KIRREL3: variants seen among roughly 807,000 people sequenced by gnomAD.
The protein encoded by KIRREL3 is kirre like nephrin family adhesion molecule 3.
Under a neutral mutation model 89.7 loss-of-function variants are expected in KIRREL3, and 36 were observed. The observed-to-expected ratio is 0.40, with a 90% CI of 0.31 to 0.53. The LOEUF (loss-of-function observed/expected upper bound fraction) is 0.53. KIRREL3 is among the 20% of genes least tolerant of loss of function. The pLI, the probability that KIRREL3 is intolerant of heterozygous loss-of-function variation, is 0.49. For synonymous variants in KIRREL3, 445 were observed against 441.4 expected (o/e 1.01, Z -0.10); for missense variants, 864 against 1,056.6 (o/e 0.82, Z 2.53).
intron 1 of KIRREL3, among the ~76,000 whole-genome samples, chr11:126,690,342 G>T (rs961142366): frequency 2.0e-5 from 3 of 149,068 alleles, no homozygotes; most frequent in African/African-American, 7.4e-5. Flanking sequence ...ATGTTTGAAA[G>T]AAATTAGTTC....
chr11:126,913,337 C>T (rs1946901423), intron 1 of KIRREL3, among the ~76,000 whole-genome samples: 2 of 152,238 alleles, frequency 1.3e-5, no homozygotes, highest in Admixed American at 1.3e-4. Flanking sequence ...TATTTAACCT[C>T]CTCATCACTA....
intron 1 of KIRREL3, among the ~76,000 whole-genome samples, chr11:126,585,491 C>A (rs1237782537): frequency 6.8e-6 from 1 of 147,808 alleles, no homozygotes; most frequent in Admixed American, 6.7e-5. Context: ...GCCTCAGCCT[C>A]CCAAAGTGTT....
Position 126,924,681 on chromosome 11 carries a change from C to A in KIRREL3, c.55+75774G>T, listed in dbSNP as rs1396818646. On this transcript the variant is annotated intron_variant, in intron 1 of 16. Coordinates refer to ENST00000525144, the MANE Select transcript of KIRREL3 (RefSeq NM_032531.4). The surrounding 1 kb of genome is among the most constrained non-coding windows in gnomAD (Gnocchi z 4.7). ...AAGGAGCAGCTTTGCTCTATTAAAA[C>A]CCCTGCCTTTCCAAGCAAATATGGC... Among the ~76,000 whole-genome samples the A allele has an allele frequency of 2.0e-5, 3 of 152,140 alleles. No individual in the cohort carries two copies. Among genetic ancestry groups the A allele is most frequent in the Non-Finnish European group, 2.9e-5 (2 of 68,032 alleles).
rs565512301 is a variant in KIRREL3, at chr11:126,574,938, C to A, written c.56-12026G>T. ...GGAACAATCATGCTTACAAGGTTTT[C>A]GGTGCACATGGGAGGTGGGGATCAG... On this transcript the variant is annotated intron_variant, in intron 1 of 16. Coordinates refer to ENST00000525144, the MANE Select transcript of KIRREL3 (RefSeq NM_032531.4). The surrounding 1 kb of genome is among the most constrained non-coding windows in gnomAD (Gnocchi z 5.3). Among the ~76,000 whole-genome samples, 1 of 152,264 alleles carries A rather than the reference C, an allele frequency of 6.6e-6. No homozygotes were observed. Among genetic ancestry groups the A allele is most frequent in the East Asian group, 1.9e-4 (1 of 5,182 alleles).
In KIRREL3 at chr11:126,791,325, A is replaced by G. The variant is rs116745166; in HGVS notation, c.55+209130T>C. 2.0e-3 allele frequency among the ~76,000 whole-genome samples: 310 copies of G among 152,318 alleles called. 1 individual carries two copies. The highest frequency in any genetic ancestry group is 6.8e-3 in the African/African-American group (284 of 41,568). ...TAAAGGGAGGGCAGGTGTTATCATA[A>G]TAGGACATTCCAATTCATCGTCCCT... On this transcript the variant is annotated intron_variant, in intron 1 of 16. Coordinates refer to ENST00000525144, the MANE Select transcript of KIRREL3 (RefSeq NM_032531.4). This position sits in a 1 kb window ranked among gnomAD's most constrained non-coding sequence, Gnocchi z 4.8.
chr11:126,697,116 C>T lies in KIRREL3; in HGVS notation c.56-134204G>A, dbSNP rs544327289. Among the ~76,000 whole-genome samples, 18 of 152,350 alleles carry T rather than the reference C, an allele frequency of 1.2e-4. No individual in the cohort carries two copies. The South Asian group carries it at 3.5e-3, about 30-fold the overall frequency. ...TCGGGCTGCGGCTTAGCATGTTCCC[C>T]TCAGCCTCCTTGCAAATGAAGGCTT... On this transcript the variant is annotated intron_variant, in intron 1 of 16. Transcript: ENST00000525144. The surrounding 1 kb of genome is among the most constrained non-coding windows in gnomAD (Gnocchi z 4.2).
Position 126,752,638 on chromosome 11 carries a change from C to A in KIRREL3, c.56-189726G>T, listed in dbSNP as rs556675495. 2.0e-5 allele frequency among the ~76,000 whole-genome samples: 3 copies of A among 152,252 alleles called. No homozygotes were observed. Among genetic ancestry groups the A allele is most frequent in the South Asian group, 2.1e-4 (1 of 4,810 alleles). ...ACTCTAATGACTACTATTCCCCCCC[C>A]ACCCACTGCCTCCCAAGATTCACAT... On this transcript the variant is annotated intron_variant, in intron 1 of 16. Coordinates refer to ENST00000525144, the MANE Select transcript of KIRREL3 (RefSeq NM_032531.4). The surrounding 1 kb of genome is among the most constrained non-coding windows in gnomAD (Gnocchi z 4.8).
At chr11:126,921,409 ATCTATC>A (rs1947276665) in intron 1 of KIRREL3, among the ~76,000 whole-genome samples, 1 of 150,450 alleles carries the variant, frequency 6.6e-6, no homozygotes, top group African/African-American at 2.4e-5. Flanking sequence ...CTATCTATCT[ATCTATC>A]TATCTATCTA....
chr11:126,888,806 C>G (rs574717037), intron 1 of KIRREL3, among the ~76,000 whole-genome samples: 1 of 152,104 alleles, frequency 6.6e-6, no homozygotes, highest in South Asian at 2.1e-4. Flanking sequence ...ATTTCATTGT[C>G]GACAGTGATT....
intron 7 of KIRREL3, among the ~76,000 whole-genome samples, chr11:126,451,096 T>TG (rs1956099071): frequency 6.8e-6 from 1 of 146,722 alleles, no homozygotes; most frequent in African/African-American, 2.5e-5. Flanking sequence ...TGCATATGTG[T>TG]CCATGTGCAT....
intron 1 of KIRREL3, among the ~76,000 whole-genome samples, chr11:126,693,842 C>G (rs570270045): frequency 6.6e-6 from 1 of 152,244 alleles, no homozygotes; most frequent in Non-Finnish European, 1.5e-5. Context: ...AGCCCCACTC[C>G]GCTGAACACC....
At chr11:126,798,098 G>A (rs768859990) in intron 1 of KIRREL3, among the ~76,000 whole-genome samples, 3 of 152,144 alleles carry the variant, frequency 2.0e-5, no homozygotes, top group African/African-American at 4.8e-5. Flanking sequence ...GCCAGGTGGA[G>A]AGGAAAGATG....
rs1176307572 is a variant in KIRREL3 at position 126,778,206 on chromosome 11, A to AT, written c.56-215295dup. Among the ~76,000 whole-genome samples the AT allele has an allele frequency of 6.6e-6, 1 of 152,042 alleles. No homozygotes were observed. The highest frequency in any genetic ancestry group is 2.4e-5 in the African/African-American group (1 of 41,376). On this transcript the variant is annotated intron_variant, in intron 1 of 16. Transcript: ENST00000525144. The surrounding 1 kb of genome is among the most constrained non-coding windows in gnomAD (Gnocchi z 4.5). Reference sequence around the variant, plus strand: ...ATATTCATGAGATTCACATGCACATATTTTTTCTTTTTAATTAAAATGGGA... The same window carrying AT: ...ATATTCATGAGATTCACATGCACATATTTTTTTCTTTTTAATTAAAATGGGA...
At chr11:126,720,428 T>C (rs1948125572) in intron 1 of KIRREL3, among the ~76,000 whole-genome samples, 1 of 152,128 alleles carries the variant, frequency 6.6e-6, no homozygotes, top group Admixed American at 6.5e-5. Context: ...TCCAATGAAA[T>C]CTCAAATCCC....
intron 1 of KIRREL3, among the ~76,000 whole-genome samples, chr11:126,583,590 C>T (rs1222413844): frequency 1.3e-5 from 2 of 152,152 alleles, no homozygotes; most frequent in African/African-American, 4.8e-5. Flanking sequence ...GGTTCAAATC[C>T]CAGCGTTGTC....
At chr11:126,671,067 A>C (rs1049681918) in intron 1 of KIRREL3, among the ~76,000 whole-genome samples, 8 of 152,204 alleles carry the variant, frequency 5.3e-5, no homozygotes, top group African/African-American at 1.9e-4. Flanking sequence ...GTGGAGGAAC[A>C]ATTGGCCATC....
chr11:126,784,919 T>A (rs1354413950), intron 1 of KIRREL3, among the ~76,000 whole-genome samples: 1 of 152,200 alleles, frequency 6.6e-6, no homozygotes, highest in East Asian at 1.9e-4. Context: ...CCCATGAACA[T>A]CCATGATCAG....
chr11:126,437,739 C>A (rs1042897769), intron 11 of KIRREL3, among the ~76,000 whole-genome samples: 1 of 152,196 alleles, frequency 6.6e-6, no homozygotes, highest in Admixed American at 6.5e-5. Flanking sequence ...TGCACACACA[C>A]ACCAAGATGC....
rs1328984786 is a variant in KIRREL3 at position 126,923,165 on chromosome 11, T to TTCTTC, written c.55+77285_55+77289dup. 1.6e-4 allele frequency among the ~76,000 whole-genome samples: 4 copies of TTCTTC among 24,498 alleles called. 1 individual carries two copies. The East Asian group carries it at 2.0e-3, about 12-fold the overall frequency. 16.1% of individuals were successfully genotyped at this position (24,498 alleles called of 152,430 possible). On this transcript the variant is annotated intron_variant, in intron 1 of 16. Coordinates refer to ENST00000525144, the MANE Select transcript of KIRREL3 (RefSeq NM_032531.4). ...CTTCTTCTTCTTCTTCTTCTTCTTC[T>TTCTTC]TCTTCTTCTTCTCTTCTTCTTCTCT...
Sources: gnomAD v4.1 joint callset for allele counts (sites outside exome capture counted in the v4.1 genomes callset) on GRCh38, gnomAD v4.1.1 for gene constraint, Gnocchi (gnomAD v3.1) non-coding constraint, MANE v1.5 for transcripts, NCBI Gene and HGNC (gene_info 2026-07-23, HGNC 2026-07-21) for gene names.